The following CBX1 variants were observed in gnomAD, a reference collection of about 807,000 sequenced individuals.
The protein encoded by CBX1 is chromobox protein homolog 1.
In CBX1, 10 loss-of-function variants were observed where a neutral mutation model predicts 25.1. That is an observed-to-expected ratio of 0.40 (90% confidence interval 0.25 to 0.68). CBX1 has a LOEUF of 0.68. Among genes scored for constraint, CBX1 ranks in the 30% least tolerant of loss-of-function variants. The pLI is 0.40. For missense variants in CBX1, 106 were observed against 218.5 expected (o/e 0.49, Z 3.25); for synonymous variants, 63 against 79.4 (o/e 0.79, Z 1.10).
intron 1 of CBX1, among the ~76,000 whole-genome samples, chr17:48,094,524 G>A (rs527297004): frequency 2.0e-5 from 3 of 151,928 alleles, no homozygotes; most frequent in East Asian, 1.9e-4. Flanking sequence ...TTCAGGCTAG[G>A]AGTTTGAGAC....
intron 1 of CBX1, among the ~76,000 whole-genome samples, chr17:48,092,817 T>C (rs982176073): frequency 2.0e-5 from 3 of 151,846 alleles, no homozygotes; most frequent in African/African-American, 7.3e-5. Context: ...AGGCCTGTAA[T>C]CCCAGCACTT....
At chr17:48,082,700 TA>T (rs1253814635) in intron 1 of CBX1, among the ~76,000 whole-genome samples, 4 of 149,174 alleles carry the variant, frequency 2.7e-5, no homozygotes, top group African/African-American at 1.0e-4. Context: ...CACTCCTGGC[TA>T]ATTTTTTTGT....
chr17:48,097,045 T>C (rs1389579950), intron 1 of CBX1, among the ~76,000 whole-genome samples: 1 of 150,500 alleles, frequency 6.6e-6, no homozygotes, highest in African/African-American at 2.4e-5. Flanking sequence ...AGGTCAGGAG[T>C]TGAAGACCAA....
chr17:48,084,548 C>T (rs1348110783), intron 1 of CBX1, among the ~76,000 whole-genome samples: 2 of 149,534 alleles, frequency 1.3e-5, no homozygotes, highest in African/African-American at 5.1e-5. Flanking sequence ...ACAATTCTCT[C>T]GCTTTGGCCT....
At chr17:48,093,127 A>T (rs1434940076) in intron 1 of CBX1, among the ~76,000 whole-genome samples, 1 of 149,656 alleles carries the variant, frequency 6.7e-6, no homozygotes, top group Non-Finnish European at 1.5e-5. Context: ...TTAGTTGGGC[A>T]TGATGGCAGG....
chr17:48,078,859 G>A (rs764001052), intron 1 of CBX1, among the ~76,000 whole-genome samples: 113 of 109,774 alleles, frequency 1.0e-3, no homozygotes, highest in East Asian at 1.7e-3. Context: ...GCACAATCTC[G>A]GCTCACTGCA....
At chr17:48,086,922 G>T (rs897744733) in intron 1 of CBX1, among the ~76,000 whole-genome samples, 1 of 152,134 alleles carries the variant, frequency 6.6e-6, no homozygotes, top group Non-Finnish European at 1.5e-5. Context: ...GGGCGCGGTG[G>T]CTCACGCCTG....
chr17:48,071,585 GAATA>G lies in CBX1; in HGVS notation c.414-10_414-7del. ...CAGCCTCATCAGAGTTTTTCCTGCA[GAATA>G]AAGCAAAGAGAGACTTTGAGACCAG... On this transcript the variant is annotated splice_polypyrimidine_tract_variant and splice_region_variant and intron_variant, in intron 4 of 4. Coordinates refer to ENST00000225603, the MANE Select transcript of CBX1 (RefSeq NM_001127228.2). 6.3e-7 allele frequency: 1 copy of G among 1,596,350 alleles called. No homozygotes were observed. Among genetic ancestry groups the G allele is most frequent in the Non-Finnish European group, 8.5e-7 (1 of 1,171,978 alleles).
chr17:48,078,883 G>A (rs1034824046), intron 1 of CBX1, among the ~76,000 whole-genome samples: 2 of 143,218 alleles, frequency 1.4e-5, no homozygotes, highest in Admixed American at 1.5e-4. Context: ...TCTGCCTCCC[G>A]GGTTCAAGTG....
chr17:48,098,076 G>A (rs572884470), intron 1 of CBX1, among the ~76,000 whole-genome samples: 73 of 152,044 alleles, frequency 4.8e-4, no homozygotes, highest in African/African-American at 1.6e-3. Context: ...ACCATTCTGG[G>A]CAACAGAGAC....
intron 1 of CBX1, among the ~76,000 whole-genome samples, chr17:48,086,636 AC>A (rs1322132557): frequency 7.9e-5 from 12 of 152,106 alleles, no homozygotes; most frequent in Non-Finnish European, 1.8e-4. Flanking sequence ...CAGGCAAATT[AC>A]CTGAGATCAG....
intron 1 of CBX1, among the ~76,000 whole-genome samples, chr17:48,094,067 T>C (rs2063358937): frequency 7.4e-6 from 1 of 134,380 alleles, no homozygotes; most frequent in Non-Finnish European, 1.5e-5. Flanking sequence ...TGCGCCAAGA[T>C]CGTGCCACTG....
At chr17:48,072,066 G>A (rs553467493) in intron 4 of CBX1, among the ~76,000 whole-genome samples, 14 of 150,752 alleles carry the variant, frequency 9.3e-5, no homozygotes, top group African/African-American at 2.2e-4. Context: ...GCATGATCTC[G>A]GATCACCACA....
intron 1 of CBX1, among the ~76,000 whole-genome samples, chr17:48,077,402 C>T (rs1456954687): frequency 1.3e-5 from 2 of 149,256 alleles, no homozygotes; most frequent in Non-Finnish European, 3.0e-5. Flanking sequence ...GGACTACAGG[C>T]GTGTGCCACC....
rs1300975521 is a variant in CBX1 at position 48,071,187 on chromosome 17, C to T, written c.*248G>A. On this transcript the variant is annotated 3_prime_UTR_variant, in exon 5 of 5. Transcript: ENST00000225603. Reference sequence around the variant, plus strand: ...CCTTCATAGAAGGCCCTTTGCTTTTCGCAGCAAAGTGCAGAAAAGGTTGCC... The same window carrying T: ...CCTTCATAGAAGGCCCTTTGCTTTTTGCAGCAAAGTGCAGAAAAGGTTGCC... 3 of 332,750 alleles carry T rather than the reference C, an allele frequency of 9.0e-6. No individual in the cohort carries two copies. Among genetic ancestry groups the T allele is most frequent in the South Asian group, 9.3e-5 (1 of 10,778 alleles). The allele number at this position is 332,750 out of a possible 1,614,324, so 20.6% of individuals were successfully genotyped here.
chr17:48,080,661 G>A (rs8065464), intron 1 of CBX1, among the ~76,000 whole-genome samples: 34,242 of 151,140 alleles, frequency 0.23, 4,163 homozygotes, highest in South Asian at 0.33. Flanking sequence ...GGTGGTTCAC[G>A]CCTGTAATCC....
intron 3 of CBX1, among the ~76,000 whole-genome samples, chr17:48,075,328 G>C (rs1326744270): frequency 6.6e-6 from 1 of 150,880 alleles, no homozygotes; most frequent in African/African-American, 2.5e-5. Flanking sequence ...CCAAGTAGCT[G>C]GGACCACAGG....
intron 1 of CBX1, among the ~76,000 whole-genome samples, chr17:48,095,268 G>T (rs951579326): frequency 2.6e-5 from 4 of 152,218 alleles, no homozygotes; most frequent in East Asian, 3.9e-4. Context: ...ACCTGAACAA[G>T]TTGTTGAACC....
intron 1 of CBX1, among the ~76,000 whole-genome samples, chr17:48,084,920 A>C (rs945338411): frequency 4.6e-5 from 7 of 151,990 alleles, no homozygotes; most frequent in African/African-American, 1.2e-4. Context: ...ACAAAAAAAA[A>C]CAAAAAAAAA....
Sources: allele counts gnomAD v4.1 joint callset (sites outside exome capture counted in the v4.1 genomes callset), GRCh38; gene constraint gnomAD v4.1.1; transcripts MANE v1.5; gene names NCBI Gene and HGNC (gene_info 2026-07-23, HGNC 2026-07-21).